The following DPP10 variants were observed in gnomAD, a reference collection of about 807,000 sequenced individuals.
The protein encoded by DPP10 is inactive dipeptidyl peptidase 10.
In DPP10, 33 loss-of-function variants were observed where a neutral mutation model predicts 120.9. That is an observed-to-expected ratio of 0.27 (90% CI 0.21 to 0.37). DPP10 has a LOEUF of 0.37. Ranked by LOEUF, DPP10 falls within the 10% of genes least tolerant of loss-of-function variation. DPP10 has a pLI of 1.00. For synonymous variants in DPP10, 337 were observed against 326.1 expected, an observed-to-expected ratio of 1.03 and a Z score of -0.36; for missense variants, 816 against 942.8, an observed-to-expected ratio of 0.87 and a Z score of 1.76.
At chr2:114,531,282 T>G (rs956004737) in intron 1 of DPP10, among the ~76,000 whole-genome samples, 1 of 152,078 alleles carries the variant, frequency 6.6e-6, no homozygotes, top group Non-Finnish European at 1.5e-5. Context: ...GAGTCACTCA[T>G]AGAAGTCTTT....
intron 1 of DPP10, among the ~76,000 whole-genome samples, chr2:114,798,827 TA>T (rs1039095932): frequency 6.6e-6 from 1 of 152,136 alleles, no homozygotes; most frequent in Non-Finnish European, 1.5e-5. Context: ...TACAAAAAAA[TA>T]AAAAAGTTTA....
At chr2:115,136,205 A>C (rs1573744520) in intron 1 of DPP10, among the ~76,000 whole-genome samples, 1 of 152,126 alleles carries the variant, frequency 6.6e-6, no homozygotes, top group African/African-American at 2.4e-5. Context: ...ATTGTGCAGC[A>C]GTAGCCCTGA....
intron 5 of DPP10, among the ~76,000 whole-genome samples, chr2:115,679,637 A>C (rs1304047047): frequency 6.6e-6 from 1 of 152,222 alleles, no homozygotes; most frequent in African/African-American, 2.4e-5. Context: ...TGTGGTATAA[A>C]TATACAAGGG....
chr2:114,983,404 G>A (rs1028049509), intron 1 of DPP10, among the ~76,000 whole-genome samples: 1 of 152,134 alleles, frequency 6.6e-6, no homozygotes, highest in Non-Finnish European at 1.5e-5. Flanking sequence ...AATCCTCACT[G>A]TTGAATATTT....
intron 1 of DPP10, among the ~76,000 whole-genome samples, chr2:114,970,222 A>G (rs534589319): frequency 6.6e-6 from 1 of 152,164 alleles, no homozygotes; most frequent in Non-Finnish European, 1.5e-5. Flanking sequence ...GAAAGCTAAA[A>G]TGGAGAAATA....
intron 19 of DPP10, among the ~76,000 whole-genome samples, chr2:115,808,065 C>T (rs919109444): frequency 6.6e-6 from 1 of 152,050 alleles, no homozygotes; most frequent in African/African-American, 2.4e-5. Flanking sequence ...TGAAGAAGCT[C>T]GTAAGATACC....
intron 3 of DPP10, among the ~76,000 whole-genome samples, chr2:115,471,169 C>T (rs755609014): frequency 2.6e-5 from 4 of 152,086 alleles, no homozygotes; most frequent in South Asian, 2.1e-4. Flanking sequence ...AGCATATACA[C>T]GGTTTGGAGG....
At chr2:115,415,841 T>TATATATATATA (rs773341293) in intron 3 of DPP10, among the ~76,000 whole-genome samples, 29 of 74,282 alleles carry the variant, frequency 3.9e-4, no homozygotes, top group Non-Finnish European at 5.1e-4. Context: ...TGATTTGCTT[T>TATATATATATA]TATATATATA....
At chr2:114,843,043 T>C (rs867098533) in intron 1 of DPP10, among the ~76,000 whole-genome samples, 4 of 152,144 alleles carry the variant, frequency 2.6e-5, no homozygotes, top group Admixed American at 1.3e-4. Flanking sequence ...ATAATAAAGA[T>C]GTCTGGACTG....
At chr2:115,738,918 G>C (rs145859742) in intron 8 of DPP10, among the ~76,000 whole-genome samples, 2 of 152,224 alleles carry the variant, frequency 1.3e-5, no homozygotes, top group Non-Finnish European at 2.9e-5. Context: ...CATTTGCTGA[G>C]GTTAAGGGGT....
intron 1 of DPP10, among the ~76,000 whole-genome samples, chr2:114,519,439 A>T (rs563368531): frequency 6.6e-6 from 1 of 152,354 alleles, no homozygotes; most frequent in South Asian, 2.1e-4. Context: ...CTTTGCATAC[A>T]TTGATCTAAA....
At chr2:115,634,081 A>G (rs1034391402) in intron 5 of DPP10, among the ~76,000 whole-genome samples, 1 of 151,618 alleles carries the variant, frequency 6.6e-6, no homozygotes, top group Non-Finnish European at 1.5e-5. Flanking sequence ...CTCTTCAGTT[A>G]TTGATACTTG....
chr2:115,660,712 G>A (rs1475587138), intron 5 of DPP10, among the ~76,000 whole-genome samples: 1 of 66,380 alleles, frequency 1.5e-5, no homozygotes, highest in South Asian at 4.9e-4. Context: ...GCATTGCATG[G>A]ATGTGTACAT....
intron 7 of DPP10, among the ~76,000 whole-genome samples, chr2:115,726,264 A>G (rs1161970319): frequency 6.6e-6 from 1 of 152,202 alleles, no homozygotes; most frequent in Non-Finnish European, 1.5e-5. Context: ...CATATCAGCT[A>G]AAGCTGTAGA....
chr2:114,534,870 C>G (rs573215746), intron 1 of DPP10, among the ~76,000 whole-genome samples: 15 of 152,162 alleles, frequency 9.9e-5, no homozygotes, highest in Non-Finnish European at 1.5e-4. Context: ...ATCTGCCTCT[C>G]CTGGTTCCAA....
chr2:115,055,759 C>A (rs1201543904), intron 1 of DPP10, among the ~76,000 whole-genome samples: 2 of 152,062 alleles, frequency 1.3e-5, no homozygotes, highest in East Asian at 3.9e-4. Context: ...TTTTGTTGCA[C>A]CCAAGACACT....
At chr2:114,446,189 G>C (rs1341189819) in intron 1 of DPP10, among the ~76,000 whole-genome samples, 2 of 152,278 alleles carry the variant, frequency 1.3e-5, no homozygotes, top group East Asian at 3.9e-4. Context: ...GCTTCTCTTG[G>C]CTGCACTGAA....
intron 1 of DPP10, among the ~76,000 whole-genome samples, chr2:115,249,453 C>T (rs886719178): frequency 1.3e-5 from 2 of 151,976 alleles, no homozygotes; most frequent in Non-Finnish European, 2.9e-5. Context: ...GAATGCATGG[C>T]CTCTTTTTAT....
chr2:115,603,560 G>GTTTTTTTTTTT (rs10637786), intron 5 of DPP10, among the ~76,000 whole-genome samples: 2 of 126,428 alleles, frequency 1.6e-5, no homozygotes, highest in Admixed American at 8.5e-5. Context: ...CGTTGTTGTT[G>GTTTTTTTTTTT]TTTTTTTTTG....
Sources: gnomAD v4.1 joint callset for allele counts (sites outside exome capture counted in the v4.1 genomes callset) on GRCh38, gnomAD v4.1.1 for gene constraint, MANE v1.5 for transcripts, NCBI Gene and HGNC (gene_info 2026-07-23, HGNC 2026-07-21) for gene names.